DPY19L1: variants seen among roughly 807,000 people sequenced by gnomAD.
DPY19L1 encodes the protein protein C-mannosyl-transferase DPY19L1.
Under a neutral mutation model 96.9 loss-of-function variants are expected in DPY19L1, and 35 were observed. The observed-to-expected ratio is 0.36, with a 90% CI of 0.28 to 0.48. DPY19L1 has a LOEUF of 0.48. Among genes scored for constraint, DPY19L1 ranks in the 20% least tolerant of loss-of-function variants. The pLI is 0.99. For missense variants in DPY19L1, 521 were observed against 777.9 expected (o/e 0.67, Z 3.93); for synonymous variants, 205 against 252.6 (o/e 0.81, Z 1.79).
intron 21 of DPY19L1, among the ~76,000 whole-genome samples, 162 bp from the exon 22 acceptor site, chr7:34,931,891 C>T (rs1464530476): frequency 6.6e-6 from 1 of 152,146 alleles, no homozygotes; most frequent in African/African-American, 2.4e-5. Flanking sequence ...TTATAAGCTG[C>T]CATGACTCAC....
At chr7:34,938,191 A>G in intron 20 of DPY19L1, 72 bp from the exon 21 acceptor site, 1 of 1,465,318 alleles carries the variant, frequency 6.8e-7, no homozygotes, top group Non-Finnish European at 9.3e-7. Context: ...GGAAGAAAGC[A>G]CTGAATTAGA....
chr7:34,985,606 T>C (rs1343190494), intron 7 of DPY19L1, among the ~76,000 whole-genome samples: 1 of 151,654 alleles, frequency 6.6e-6, no homozygotes, highest in Non-Finnish European at 1.5e-5. Flanking sequence ...TAGGGGAAAT[T>C]CAAATTAAAA....
intron 9 of DPY19L1, among the ~76,000 whole-genome samples, chr7:34,967,958 A>G (rs1784646307): frequency 6.6e-6 from 1 of 152,190 alleles, no homozygotes; most frequent in Non-Finnish European, 1.5e-5. Flanking sequence ...CATAAGCCCC[A>G]CAGGGAGGCA....
chr7:34,940,415 G>A, intron 18 of DPY19L1, 88 bp from the exon 19 acceptor site: 2 of 1,095,130 alleles, frequency 1.8e-6, no homozygotes, highest in South Asian at 4.0e-5. Context: ...GAAGAATAAG[G>A]CCTCTGCTAG....
intron 21 of DPY19L1, among the ~76,000 whole-genome samples, chr7:34,933,092 G>A (rs1415275932): frequency 1.3e-5 from 2 of 151,954 alleles, no homozygotes; most frequent in African/African-American, 2.4e-5. Flanking sequence ...GCATTTCTCA[G>A]AGGTGACTTC....
Position 34,973,503 on chromosome 7 carries a change from G to A in DPY19L1, c.914+11C>T, listed in dbSNP as rs1229462924. ...TTAATGCAAAAAGAAATAAGGTTAAGTCAAAGTTACCTGAGAATATGAGTC... is the reference window on the plus strand; with the variant it reads ...TTAATGCAAAAAGAAATAAGGTTAAATCAAAGTTACCTGAGAATATGAGTC... On this transcript the variant is annotated intron_variant, in intron 8 of 21. Transcript: ENST00000638088. 6.7e-7 allele frequency: 1 copy of A among 1,487,826 alleles called. No homozygotes were observed. The highest frequency in any genetic ancestry group is 8.9e-7 in the Non-Finnish European group (1 of 1,117,990). 92.2% of individuals were successfully genotyped at this position (1,487,826 alleles called of 1,614,324 possible).
At chr7:34,938,200 G>A (rs560085399) in intron 20 of DPY19L1, 81 bp from the exon 21 acceptor site, 45 of 1,417,742 alleles carry the variant, frequency 3.2e-5, no homozygotes, top group Admixed American at 6.1e-5. Context: ...CACTGAATTA[G>A]ACTAGAAGAC....
rs13310853 is a variant in DPY19L1, at chr7:34,973,206, G to A, written c.914+308C>T. On this transcript the variant is annotated intron_variant, in intron 8 of 21. Transcript: ENST00000638088. ...CATGACCAGCCTTTACCTTCTTTCT[G>A]CTCATTTTCAAGAGGTTACAGTGGT... Among the ~76,000 whole-genome samples, 877 of 152,172 alleles carry A rather than the reference G, an allele frequency of 5.8e-3. 6 individuals carry two copies. The highest frequency in any genetic ancestry group is 0.019 in the African/African-American group (769 of 41,522).
chr7:34,982,399 T>TTA (rs1174864463), intron 7 of DPY19L1, among the ~76,000 whole-genome samples: 1 of 152,202 alleles, frequency 6.6e-6, no homozygotes, highest in Non-Finnish European at 1.5e-5. Context: ...GTGTCAGTGT[T>TTA]TGTATAAGAG....
intron 13 of DPY19L1, among the ~76,000 whole-genome samples, chr7:34,951,850 A>G (rs1048374685): frequency 1.6e-4 from 24 of 151,974 alleles, no homozygotes; most frequent in Non-Finnish European, 3.4e-4. Context: ...TGGACTCAAC[A>G]TAGTAAGAAG....
At chr7:35,031,137 A>G (rs79874126) in intron 1 of DPY19L1, among the ~76,000 whole-genome samples, 2 of 152,224 alleles carry the variant, frequency 1.3e-5, no homozygotes, top group South Asian at 2.1e-4. Context: ...TATGGTCTCT[A>G]TGACAATGTA....
chr7:34,949,379 C>A (rs1246489757), intron 14 of DPY19L1, among the ~76,000 whole-genome samples: 2 of 152,228 alleles, frequency 1.3e-5, no homozygotes, highest in Non-Finnish European at 2.9e-5. Flanking sequence ...CCTTCTAAAT[C>A]TCTGAATACA....
intron 1 of DPY19L1, among the ~76,000 whole-genome samples, chr7:35,025,420 A>G (rs970185027): frequency 2.0e-5 from 3 of 152,128 alleles, no homozygotes; most frequent in African/African-American, 7.2e-5. Flanking sequence ...CAGATGGCAT[A>G]AAGTCTAAGA....
At chr7:34,934,942 A>G (rs1435655318) in intron 21 of DPY19L1, among the ~76,000 whole-genome samples, 2 of 152,042 alleles carry the variant, frequency 1.3e-5, no homozygotes, top group Non-Finnish European at 2.9e-5. Context: ...GGACTGCACA[A>G]TTTTTTTCTT....
chr7:34,952,795 A>C (rs1784294931), intron 13 of DPY19L1, among the ~76,000 whole-genome samples: 3 of 152,168 alleles, frequency 2.0e-5, no homozygotes, highest in Non-Finnish European at 4.4e-5. Flanking sequence ...CCATTCTCCA[A>C]AACCACTTTA....
rs768437823 is a variant in DPY19L1, at chr7:34,947,634, C to T, written c.1490G>A (p.Arg497Lys). 4.3e-6 allele frequency: 7 copies of T among 1,610,960 alleles called. No homozygotes were observed. In the South Asian group the frequency reaches 5.5e-5, roughly 13 times the overall value. ...VVLVVFVAIV[R>K]KIISDMWGVL... ...GCTCTTAAGTGATAGACATACCTTT[C>T]TAACAATAGCAACAAACACTACAAG... Residue 497 changes from arginine to lysine, a missense_variant, in exon 15 of 22, where the codon AGA (arginine) becomes AAA (lysine). Transcript: ENST00000638088.
At chr7:34,978,891 T>C (rs1784882672) in intron 7 of DPY19L1, among the ~76,000 whole-genome samples, 1 of 152,140 alleles carries the variant, frequency 6.6e-6, no homozygotes, top group Non-Finnish European at 1.5e-5. Flanking sequence ...TATTTCAGAC[T>C]GCAGATTTTC....
intron 1 of DPY19L1, among the ~76,000 whole-genome samples, chr7:35,026,962 C>A (rs1020073029): frequency 6.6e-6 from 1 of 151,988 alleles, no homozygotes; most frequent in Non-Finnish European, 1.5e-5. Context: ...TTTGGGAGGC[C>A]GAGGCAGGTG....
chr7:34,963,655 G>C (rs1182824472), intron 10 of DPY19L1, among the ~76,000 whole-genome samples: 1 of 149,440 alleles, frequency 6.7e-6, no homozygotes, highest in Non-Finnish European at 1.5e-5. Flanking sequence ...ACACACAATG[G>C]AATCCAAGTA....
Sources: gnomAD v4.1 joint callset for allele counts (sites outside exome capture counted in the v4.1 genomes callset) on GRCh38, gnomAD v4.1.1 for gene constraint, MANE v1.5 for transcripts, NCBI Gene and HGNC (gene_info 2026-07-23, HGNC 2026-07-21) for gene names.